The following PHF24 variants were observed in gnomAD, a reference collection of about 807,000 sequenced individuals.
PHF24 encodes the protein PHD finger protein 24.
In PHF24, 25 loss-of-function variants were observed where a neutral mutation model predicts 42.6. The ratio of observed to expected loss-of-function variants is 0.59; its 90% CI spans 0.43 to 0.82. The LOEUF is 0.82. Among genes scored for constraint, PHF24 ranks in the 40% least tolerant of loss-of-function variants. The pLI, the probability that PHF24 is intolerant of heterozygous loss-of-function variation, is 0.00. For synonymous variants in PHF24, 185 were observed against 204.8 expected (o/e 0.90, Z 0.83); for missense variants, 470 against 538.1 (o/e 0.87, Z 1.25).
At chr9:34,753,902 A>G in the PHF24 span, among the ~76,000 whole-genome samples, 2 of 152,118 alleles carry the variant, frequency 1.3e-5, no homozygotes, top group Admixed American at 6.5e-5. Context: ...CAGTCTCTTC[A>G]ATAAATGCTG....
chr9:34,705,335 T>C, the PHF24 span, among the ~76,000 whole-genome samples: 1 of 152,260 alleles, frequency 6.6e-6, no homozygotes, highest in African/African-American at 2.4e-5. Context: ...TTATTTACTT[T>C]GAGACAGGGT....
the PHF24 span, among the ~76,000 whole-genome samples, chr9:34,875,671 C>G: frequency 6.6e-6 from 1 of 151,956 alleles, no homozygotes; most frequent in Non-Finnish European, 1.5e-5. Flanking sequence ...AGCACTGGAG[C>G]CTTGACAATT....
At chr9:34,776,590 C>CTTG in the PHF24 span, among the ~76,000 whole-genome samples, 17 of 152,244 alleles carry the variant, frequency 1.1e-4, no homozygotes, top group African/African-American at 4.1e-4. Flanking sequence ...TCATTCATAT[C>CTTG]CTGAATTGTT....
the PHF24 span, chr9:34,832,520 C>T: frequency 1.3e-6 from 2 of 1,521,674 alleles, no homozygotes; most frequent in Admixed American, 4.2e-5. Flanking sequence ...TACTTCTCCC[C>T]ACAGGGCTCT....
the PHF24 span, among the ~76,000 whole-genome samples, chr9:34,682,964 C>T: frequency 6.6e-6 from 1 of 152,090 alleles, no homozygotes; most frequent in Non-Finnish European, 1.5e-5. Flanking sequence ...TGGAGGCCCA[C>T]TATCTAAATA....
the PHF24 span, among the ~76,000 whole-genome samples, chr9:34,948,467 T>G: frequency 3.9e-3 from 596 of 152,326 alleles, 2 homozygotes; most frequent in Non-Finnish European, 4.4e-3. Flanking sequence ...AAGTGCCCTA[T>G]ACAGGTGGAC....
At chr9:34,705,309 TA>T in the PHF24 span, among the ~76,000 whole-genome samples, 1 of 152,248 alleles carries the variant, frequency 6.6e-6, no homozygotes, top group Non-Finnish European at 1.5e-5. Flanking sequence ...GCCTTTATTT[TA>T]TTTTTAAAAT....
chr9:34,850,821 G>A, the PHF24 span, among the ~76,000 whole-genome samples: 1 of 152,188 alleles, frequency 6.6e-6, no homozygotes, highest in East Asian at 1.9e-4. Flanking sequence ...CTAACAGACA[G>A]TACCCTCAGC....
the PHF24 span, among the ~76,000 whole-genome samples, chr9:34,795,275 G>T: frequency 1.3e-5 from 2 of 151,724 alleles, no homozygotes; most frequent in African/African-American, 4.8e-5. Context: ...AAAAACTATG[G>T]ACACCAGAAG....
At chr9:34,833,478 G>A in the PHF24 span, 1 of 1,550,364 alleles carries the variant, frequency 6.5e-7, no homozygotes. Flanking sequence ...GGCAGTTCCT[G>A]GAGCAATGTC....
chr9:34,744,846 G>C, the PHF24 span, among the ~76,000 whole-genome samples: 3 of 151,950 alleles, frequency 2.0e-5, no homozygotes, highest in Non-Finnish European at 4.4e-5. Context: ...TGGAGGTGGA[G>C]ATATCACCTG....
chr9:34,955,484 C>T (rs1349785794), upstream of PHF24, among the ~76,000 whole-genome samples: 2 of 152,186 alleles, frequency 1.3e-5, no homozygotes, highest in Non-Finnish European at 2.9e-5. Context: ...CAAGACCAGC[C>T]TGGCCAACAT....
chr9:34,730,912 G>A, the PHF24 span, among the ~76,000 whole-genome samples: 1 of 152,212 alleles, frequency 6.6e-6, no homozygotes, highest in Non-Finnish European at 1.5e-5. Context: ...AGGGTGGACT[G>A]GAGAGCAATT....
At chr9:34,766,521 A>G in the PHF24 span, among the ~76,000 whole-genome samples, 3 of 152,248 alleles carry the variant, frequency 2.0e-5, no homozygotes, top group East Asian at 3.9e-4. Context: ...CATTCTTCAC[A>G]TAGTTCTCGA....
chr9:34,766,372 C>T, the PHF24 span, among the ~76,000 whole-genome samples: 2 of 152,110 alleles, frequency 1.3e-5, no homozygotes, highest in African/African-American at 4.8e-5. Flanking sequence ...TCACATAGTC[C>T]CATATTTCTT....
the PHF24 span, among the ~76,000 whole-genome samples, chr9:34,814,897 T>C: frequency 6.6e-6 from 1 of 151,620 alleles, no homozygotes; most frequent in African/African-American, 2.4e-5. Flanking sequence ...CCCGCCACCA[T>C]GGCCAGCTAA....
chr9:34,866,612 A>T, the PHF24 span, among the ~76,000 whole-genome samples: 10 of 152,150 alleles, frequency 6.6e-5, no homozygotes, highest in Non-Finnish European at 1.5e-4. Flanking sequence ...GGTGGCATCA[A>T]CCCTAATAAG....
the PHF24 span, among the ~76,000 whole-genome samples, chr9:34,872,012 G>A: frequency 2.0e-5 from 3 of 152,198 alleles, no homozygotes; most frequent in Admixed American, 2.0e-4. Flanking sequence ...ATTCATGAAT[G>A]TTGAATATCT....
the PHF24 span, among the ~76,000 whole-genome samples, chr9:34,877,291 A>G: frequency 5.9e-5 from 9 of 152,004 alleles, no homozygotes; most frequent in Admixed American, 6.5e-5. Context: ...AAAAAAAAAA[A>G]AAAAAGAAAA....
Sources: gnomAD v4.1 joint callset for allele counts (sites outside exome capture counted in the v4.1 genomes callset) on GRCh38, gnomAD v4.1.1 for gene constraint, MANE v1.5 for transcripts, NCBI Gene and HGNC (gene_info 2026-07-23, HGNC 2026-07-21) for gene names.